The following FITM1 variants were observed in gnomAD, a reference collection of about 807,000 sequenced individuals.
FITM1 encodes the protein fat storage inducing transmembrane protein 1.
In FITM1, 11 loss-of-function variants were observed where a neutral mutation model predicts 22.2. That is an observed-to-expected ratio of 0.50 (90% CI 0.31 to 0.82). FITM1 has a LOEUF of 0.82. FITM1 is among the 40% of genes least tolerant of loss of function. FITM1 has a pLI of 0.04. For missense variants in FITM1, 394 were observed against 386.4 expected (o/e 1.02, Z -0.17); for synonymous variants, 164 against 174.0 (o/e 0.94, Z 0.45).
At position 24,131,317 on chromosome 14, in the gene FITM1, GA is replaced by G; in HGVS notation, c.-244del. 1 of 656,138 alleles carries G rather than the reference GA, an allele frequency of 1.5e-6. No homozygotes were observed. Among genetic ancestry groups the G allele is most frequent in the Non-Finnish European group, 2.8e-6 (1 of 360,800 alleles). The allele number at this position is 656,138 out of a possible 1,614,324, so 40.6% of individuals were successfully genotyped here. A position where few individuals can be genotyped will look rare whatever the true frequency, so the allele number is the denominator to read the frequency against. ...GGAGCCAAGGACACAGGACTAACAG[GA>G]AAGGACACAGACTGCTGTCAGGACA... On this transcript the variant is annotated 5_prime_UTR_variant, in exon 1 of 2. It introduces an in-frame stop codon into an upstream open reading frame of the 5' UTR. Transcript: ENST00000267426.
Position 24,131,459 on chromosome 14 carries a change from T to G in FITM1, c.-105T>G. ...GCCAGCTGCCAACAGGGCTCTGCCTTGTGTCTGCCACACCTGTCACTGCCT... is the reference window on the plus strand; with the variant it reads ...GCCAGCTGCCAACAGGGCTCTGCCTGGTGTCTGCCACACCTGTCACTGCCT... On this transcript the variant is annotated 5_prime_UTR_variant, in exon 1 of 2. Coordinates refer to ENST00000267426, the MANE Select transcript of FITM1 (RefSeq NM_203402.3). 8.7e-7 allele frequency: 1 copy of G among 1,147,460 alleles called. No homozygotes were observed. The highest frequency in any genetic ancestry group is 1.3e-6 in the Non-Finnish European group (1 of 790,686). The allele number at this position is 1,147,460 out of a possible 1,614,324, so 71.1% of individuals were successfully genotyped here. A position where few individuals can be genotyped will look rare whatever the true frequency, so the allele number is the denominator to read the frequency against.
In FITM1 at chr14:24,131,207, G is replaced by GA. The variant is rs1273140815; in HGVS notation, c.-357_-356insA. The GA allele has an allele frequency of 1.8e-5, 10 of 554,278 alleles. No individual in the cohort carries two copies. The highest frequency in any genetic ancestry group is 3.4e-5 in the Admixed American group (1 of 29,754). 34.3% of individuals were successfully genotyped at this position (554,278 alleles called of 1,614,324 possible). A position where few individuals can be genotyped will look rare whatever the true frequency, so the allele number is the denominator to read the frequency against. On this transcript the variant is annotated 5_prime_UTR_variant, in exon 1 of 2. Coordinates refer to ENST00000267426, the MANE Select transcript of FITM1 (RefSeq NM_203402.3). ...TCCCTGTGGAGCAAATGGTAAAGTA[G>GA]GGGTGGGTGGAGAGGGACTTTGGCA...
Position 24,132,749 on chromosome 14 carries a change from C to A in FITM1, c.805C>A (p.His269Asn). The part of the protein sequence containing the change: ...AWYLTYGSWY[H>N]QPWSPGSPGH... ...GTACCTCACCTATGGCAGCTGGTAT[C>A]ATCAGCCCTGGTCTCCAGGGAGCCC... Residue 269 changes from histidine (H) to asparagine (N), a missense_variant, in exon 2 of 2, where the codon CAT becomes AAT. His to Asn is a moderately conservative substitution (Grantham distance 68, BLOSUM62 1). Transcript: ENST00000267426. 6.2e-7 allele frequency: 1 copy of A among 1,613,750 alleles called. No homozygotes were observed. The highest frequency in any genetic ancestry group is 8.5e-7 in the Non-Finnish European group (1 of 1,179,930).
intron 1 of FITM1, 103 bp from the exon 2 acceptor site, chr14:24,132,108 C>T (rs1004904112): frequency 9.4e-6 from 14 of 1,485,324 alleles, no homozygotes; most frequent in Non-Finnish European, 1.2e-5. Flanking sequence ...AAGGAGAGAA[C>T]GAGTGATGAT....
Position 24,131,180 on chromosome 14 carries a change from T to C in FITM1, c.-384T>C. 1.8e-6 allele frequency: 1 copy of C among 540,774 alleles called. No individual in the cohort carries two copies. The highest frequency in any genetic ancestry group is 2.7e-4 in the Middle Eastern group (1 of 3,682). The allele number at this position is 540,774 out of a possible 1,614,324, so 33.5% of individuals were successfully genotyped here. A position where few individuals can be genotyped will look rare whatever the true frequency, so the allele number is the denominator to read the frequency against. On this transcript the variant is annotated 5_prime_UTR_variant, in exon 1 of 2. Coordinates refer to ENST00000267426, the MANE Select transcript of FITM1 (RefSeq NM_203402.3). Reference sequence around the variant, plus strand: ...TTATTTTTATCTCCATGACCTCTGATTTCCCTGTGGAGCAAATGGTAAAGT... The same window carrying C: ...TTATTTTTATCTCCATGACCTCTGACTTCCCTGTGGAGCAAATGGTAAAGT...
chr14:24,132,307 T>A lies in FITM1; in HGVS notation c.363T>A (p.Thr121=). 1 of 1,614,028 alleles carries A rather than the reference T, an allele frequency of 6.2e-7. No homozygotes were observed. The highest frequency in any genetic ancestry group is 1.1e-5 in the South Asian group (1 of 91,086). ...TGGCTACACGGCGCGTGGCAGTAAC[T>A]GCCAGACACCTGAGCCGACTGGTAG... The part of the protein sequence containing the change: ...VFLATRRVAV[T]ARHLSRLVVG... The change falls in exon 2 of 2, where the codon ACT becomes ACA. Residue 121 remains threonine (T), a synonymous_variant. Transcript: ENST00000267426.
chr14:24,131,780 CATGT>C lies in FITM1; in HGVS notation c.218_221del (p.His73ProfsTer16), dbSNP rs2139034887. 2 of 1,612,106 alleles carry C rather than the reference CATGT, an allele frequency of 1.2e-6. No homozygotes were observed. Among genetic ancestry groups the C allele is most frequent in the South Asian group, 2.2e-5 (2 of 90,832 alleles). ...CATCTTTGGGCCGCTTCTGCAGTTC[CATGT>C]CAACCCTCGGACTATCTTCGCCAGC... On this transcript the variant is annotated frameshift_variant, in exon 1 of 2. Transcript: ENST00000267426. LOFTEE classifies it high-confidence loss of function.
rs1448863375 is a variant in FITM1 at position 24,132,569 on chromosome 14, G to A, written c.625G>A (p.Ala209Thr). The change falls in exon 2 of 2, where the codon GCC becomes ACC. Residue 209 changes from alanine (A) to threonine (T), a missense_variant. Physicochemically the swap from Ala to Thr is moderately conservative, Grantham distance 58. Transcript: ENST00000267426. ...AGCAGCTGTGTTCGCCAAGTACCTG[G>A]CCCATGGGCTTCCTGCCGGCGCCCC... The part of the protein sequence containing the change: ...EEAAVFAKYL[A>T]HGLPAGAPLR... The A allele has an allele frequency of 2.5e-6, 4 of 1,608,212 alleles. No individual in the cohort carries two copies. Among genetic ancestry groups the A allele is most frequent in the Non-Finnish European group, 2.5e-6 (3 of 1,180,008 alleles).
chr14:24,132,434 G>GAGCTGCCTGACCGCCGC lies in FITM1; in HGVS notation c.500_516dup (p.Ala173ThrfsTer58), dbSNP rs2037829677. On this transcript the variant is annotated frameshift_variant, in exon 2 of 2. Coordinates refer to ENST00000267426, the MANE Select transcript of FITM1 (RefSeq NM_203402.3). LOFTEE classifies it high-confidence loss of function. The stretch of plus-strand genomic sequence containing the variant: ...ACTGCCCCAGGGTCTGCTGCTCCAC[G>GAGCTGCCTGACCGCCGC]AGCTGCCTGACCGCCGCAGCTGCCT... 5.6e-6 allele frequency: 9 copies of GAGCTGCCTGACCGCCGC among 1,607,782 alleles called. No individual in the cohort carries two copies. The highest frequency in any genetic ancestry group is 1.7e-5 in the Admixed American group (1 of 60,026).
chr14:24,131,219 G>C lies in FITM1; in HGVS notation c.-345G>C. 1 of 561,772 alleles carries C rather than the reference G, an allele frequency of 1.8e-6. No individual in the cohort carries two copies. Among genetic ancestry groups the C allele is most frequent in the Non-Finnish European group, 3.2e-6 (1 of 314,680 alleles). The allele number at this position is 561,772 out of a possible 1,614,324, so 34.8% of individuals were successfully genotyped here. Reference sequence around the variant, plus strand: ...AAATGGTAAAGTAGGGGTGGGTGGAGAGGGACTTTGGCAGACTATGGACAA... The same window carrying C: ...AAATGGTAAAGTAGGGGTGGGTGGACAGGGACTTTGGCAGACTATGGACAA... On this transcript the variant is annotated 5_prime_UTR_variant, in exon 1 of 2. Transcript: ENST00000267426.
chr14:24,132,240 C>G lies in FITM1; in HGVS notation c.296C>G (p.Thr99Arg), dbSNP rs1185441811. The change falls in exon 2 of 2, where the codon ACA (threonine) becomes AGA (arginine). Residue 99 changes from threonine to arginine, a missense_variant. Transcript: ENST00000267426. ...TTTGTGAATTCAGCCTGGGGCTGGA[C>G]ATGCACTTTCTTAGGGGGCTTTGTG... ...IKFVNSAWGWTCTFLGGFVLL... is the reference protein window; with the variant it reads ...IKFVNSAWGWRCTFLGGFVLL... 1 of 1,612,842 alleles carries G rather than the reference C, an allele frequency of 6.2e-7. No individual in the cohort carries two copies. Among genetic ancestry groups the G allele is most frequent in the South Asian group, 1.1e-5 (1 of 90,974 alleles).
intron 1 of FITM1, 23 bp from the exon 2 acceptor site, chr14:24,132,188 T>C (rs1296296106): frequency 3.1e-6 from 5 of 1,606,120 alleles, no homozygotes; most frequent in South Asian, 1.1e-5. Flanking sequence ...GGGGTCTCAA[T>C]AGTCTCCCTT....
Position 24,131,441 on chromosome 14 carries a change from G to A in FITM1, c.-123G>A, listed in dbSNP as rs1158738577. The A allele has an allele frequency of 2.0e-6, 2 of 1,004,074 alleles. No individual in the cohort carries two copies. Among genetic ancestry groups the A allele is most frequent in the Non-Finnish European group, 3.0e-6 (2 of 661,456 alleles). 62.2% of individuals were successfully genotyped at this position (1,004,074 alleles called of 1,614,324 possible). On this transcript the variant is annotated 5_prime_UTR_variant, in exon 1 of 2. Coordinates refer to ENST00000267426, the MANE Select transcript of FITM1 (RefSeq NM_203402.3). ...CGCCCCTCTCCCCCACCTGCCAGCT[G>A]CCAACAGGGCTCTGCCTTGTGTCTG...
At position 24,132,825 on chromosome 14, in the gene FITM1, A is replaced by T; in HGVS notation, c.*2A>T. 6.2e-7 allele frequency: 1 copy of T among 1,603,566 alleles called. No individual in the cohort carries two copies. On this transcript the variant is annotated 3_prime_UTR_variant, in exon 2 of 2. Transcript: ENST00000267426. ...CACTCCAGCCGCAAGCATAACTGAA[A>T]GAAATAAAAACCATCGGGCCTGGCT... is the stretch of plus-strand genomic sequence containing the variant.
chr14:24,132,711 G>A lies in FITM1; in HGVS notation c.767G>A (p.Gly256Asp). The A allele has an allele frequency of 6.2e-7, 1 of 1,613,816 alleles. No homozygotes were observed. Among genetic ancestry groups the A allele is most frequent in the Non-Finnish European group, 8.5e-7 (1 of 1,179,976 alleles). ...YTHKVVGAAV[G>D]TFAWYLTYGS... is the part of the protein sequence containing the mutation. Reference sequence around the variant, plus strand: ...CACAAGGTGGTGGGCGCCGCAGTGGGCACCTTTGCCTGGTACCTCACCTAT... The same window carrying A: ...CACAAGGTGGTGGGCGCCGCAGTGGACACCTTTGCCTGGTACCTCACCTAT... Residue 256 changes from glycine to aspartate, a missense_variant, in exon 2 of 2, where the codon GGC (glycine) becomes GAC (aspartate). Coordinates refer to ENST00000267426, the MANE Select transcript of FITM1 (RefSeq NM_203402.3).
In FITM1 at chr14:24,131,845, G is replaced by T. The variant is rs1016048253; in HGVS notation, c.266+16G>T. 2.6e-6 allele frequency: 4 copies of T among 1,559,828 alleles called. No homozygotes were observed. The African/African-American group carries it at 5.4e-5, about 21-fold the overall frequency. ...TCTTCAACATGTGAGTCCACTCAAG[G>T]CTGTGGGAGCCGGGTCCCTGCACTC... is the stretch of plus-strand genomic sequence containing the variant. On this transcript the variant is annotated intron_variant, in intron 1 of 1. Transcript: ENST00000267426.
Position 24,132,354 on chromosome 14 carries a change from G to A in FITM1, c.410G>A (p.Gly137Glu). The A allele has an allele frequency of 1.2e-6, 2 of 1,613,974 alleles. No homozygotes were observed. Among genetic ancestry groups the A allele is most frequent in the Non-Finnish European group, 1.7e-6 (2 of 1,180,002 alleles). ...RLVVGAAVWR[G>E]AGRAFLLIED... is the part of the protein sequence containing the mutation. ...GTAGTAGGGGCAGCCGTGTGGCGGG[G>A]AGCCGGCCGGGCCTTCCTGCTCATC... The change falls in exon 2 of 2, where the codon GGA becomes GAA. Residue 137 changes from glycine (G) to glutamate (E), a missense_variant. Transcript: ENST00000267426.
Position 24,131,348 on chromosome 14 carries a change from C to G in FITM1, c.-216C>G, listed in dbSNP as rs1160506126. On this transcript the variant is annotated 5_prime_UTR_variant, in exon 1 of 2. An upstream open reading frame in the 5' UTR gains an earlier in-frame stop. Coordinates refer to ENST00000267426, the MANE Select transcript of FITM1 (RefSeq NM_203402.3). ...ACACAGACTGCTGTCAGGACACATACTACCACACACCCGAGGCCAGGACCC... is the reference window on the plus strand; with the variant it reads ...ACACAGACTGCTGTCAGGACACATAGTACCACACACCCGAGGCCAGGACCC... The G allele has an allele frequency of 5.8e-6, 4 of 690,136 alleles. No homozygotes were observed. The Admixed American group carries it at 8.1e-5, about 14-fold the overall frequency. 42.8% of individuals were successfully genotyped at this position (690,136 alleles called of 1,614,324 possible). A position where few individuals can be genotyped will look rare whatever the true frequency, so the allele number is the denominator to read the frequency against.
chr14:24,132,066 G>A (rs998381653), intron 1 of FITM1, 145 bp from the exon 2 acceptor site: 2 of 1,289,924 alleles, frequency 1.6e-6, no homozygotes, highest in African/African-American at 1.5e-5. Context: ...GATAGCAAAG[G>A]TTAAATGACT....
Sources: gnomAD v4.1 joint callset for allele counts on GRCh38, gnomAD v4.1.1 for gene constraint, MANE v1.5 for transcripts, NCBI Gene and HGNC (gene_info 2026-07-23, HGNC 2026-07-21) for gene names.